Variants in SFMBT1 observed in about 807,000 individuals in gnomAD.
The protein encoded by SFMBT1 is scm-like with four MBT domains protein 1.
A neutral mutation model predicts 108.7 loss-of-function variants in SFMBT1; 32 were observed. The observed-to-expected ratio is 0.29, with a 90% CI of 0.22 to 0.40. The LOEUF is 0.40. Ranked by LOEUF, SFMBT1 falls within the 10% of genes least tolerant of loss-of-function variation. The probability of loss-of-function intolerance (pLI) is 1.00; values close to 1 mark genes in which losing one functional copy is unlikely to be tolerated. For synonymous variants in SFMBT1, 348 were observed against 369.5 expected (o/e 0.94, Z 0.67); for missense variants, 816 against 1,059.6 (o/e 0.77, Z 3.19).
chr3:52,961,749 C>G (rs1210045994), intron 2 of SFMBT1, among the ~76,000 whole-genome samples: 1 of 152,150 alleles, frequency 6.6e-6, no homozygotes, highest in African/African-American at 2.4e-5. Context: ...ATAATAAAGA[C>G]AGCTTTGAGG....
intron 3 of SFMBT1, among the ~76,000 whole-genome samples, chr3:52,949,421 T>C (rs929005275): frequency 2.6e-5 from 4 of 152,170 alleles, no homozygotes; most frequent in African/African-American, 9.7e-5. Context: ...ATTTCCCGAC[T>C]AATAATATTG....
At chr3:53,001,837 G>A (rs1039191496) in intron 1 of SFMBT1, among the ~76,000 whole-genome samples, 4 of 146,418 alleles carry the variant, frequency 2.7e-5, no homozygotes, top group Non-Finnish European at 4.6e-5. Flanking sequence ...GAGGCTGGAG[G>A]ATATGTAGGC....
intron 3 of SFMBT1, among the ~76,000 whole-genome samples, chr3:52,953,569 G>A (rs551433996): frequency 6.6e-6 from 1 of 152,190 alleles, no homozygotes; most frequent in African/African-American, 2.4e-5. Flanking sequence ...GGGTTGTTAG[G>A]GCATAAAACC....
chr3:52,967,125 C>T lies in SFMBT1; in HGVS notation c.28+1976G>A, dbSNP rs115243135. Reference sequence around the variant, plus strand: ...AGCCAGTCTGAAAGAAATCTCACTGCTCTAGAGAAACAAACAAACAAAAGC... The same window carrying T: ...AGCCAGTCTGAAAGAAATCTCACTGTTCTAGAGAAACAAACAAACAAAAGC... On this transcript the variant is annotated intron_variant, in intron 2 of 20. Transcript: ENST00000394752. Among the ~76,000 whole-genome samples the T allele has an allele frequency of 3.8e-3, 578 of 152,070 alleles. 1 individual carries two copies. The highest frequency in any genetic ancestry group is 6.2e-3 in the Non-Finnish European group (423 of 67,982).
At chr3:52,943,324 T>G (rs776754945) in intron 4 of SFMBT1, 29 bp downstream of exon 4, 9 of 1,613,708 alleles carry the variant, frequency 5.6e-6, no homozygotes, top group Non-Finnish European at 7.6e-6. Flanking sequence ...TAAAATCACG[T>G]CACGTCTTGA....
At chr3:53,033,687 A>C (rs1288382867) in intron 1 of SFMBT1, among the ~76,000 whole-genome samples, 1 of 151,796 alleles carries the variant, frequency 6.6e-6, no homozygotes, top group Non-Finnish European at 1.5e-5. Flanking sequence ...CTCACCCTCT[A>C]AACTCTTCAG....
chr3:52,965,656 C>T (rs1704107350), intron 2 of SFMBT1, among the ~76,000 whole-genome samples: 1 of 151,718 alleles, frequency 6.6e-6, no homozygotes, highest in Non-Finnish European at 1.5e-5. Context: ...GGGAAATCAA[C>T]ATATTCTCAA....
At position 52,968,989 on chromosome 3, in the gene SFMBT1, C is replaced by A. The variant is rs1278673363; in HGVS notation, c.28+112G>T. On this transcript the variant is annotated intron_variant, in intron 2 of 20. Coordinates refer to ENST00000394752, the MANE Select transcript of SFMBT1 (RefSeq NM_016329.4). ...TACAGAAGATGGCAATGAAAAACAACTTAAGACTTCAAAGAGCTTCCAGTT... is the reference window on the plus strand; with the variant it reads ...TACAGAAGATGGCAATGAAAAACAAATTAAGACTTCAAAGAGCTTCCAGTT... The A allele has an allele frequency of 8.4e-6, 11 of 1,304,214 alleles. No homozygotes were observed. In the African/African-American group the frequency reaches 1.6e-4, roughly 19 times the overall value. The allele number at this position is 1,304,214 out of a possible 1,614,324, so 80.8% of individuals were successfully genotyped here. A position where few individuals can be genotyped will look rare whatever the true frequency, so the allele number is the denominator to read the frequency against.
chr3:52,999,184 G>A lies in SFMBT1; in HGVS notation c.-130-29926C>T, dbSNP rs1235304089. On this transcript the variant is annotated intron_variant, in intron 1 of 20. Transcript: ENST00000394752. ...GCGGCCTGTTCTGGTGCAAGGGCCA[G>A]CCGGGCAGCCCAAGGACCTCACGAC... 1.3e-5 allele frequency among the ~76,000 whole-genome samples: 2 copies of A among 150,924 alleles called. 1 individual carries two copies. Among genetic ancestry groups the A allele is most frequent in the Non-Finnish European group, 3.0e-5 (2 of 67,294 alleles).
intron 4 of SFMBT1, among the ~76,000 whole-genome samples, chr3:52,939,559 G>C (rs1040535083): frequency 2.3e-4 from 35 of 152,136 alleles, no homozygotes; most frequent in African/African-American, 6.8e-4. Context: ...GGGTGACAAA[G>C]AGTGACACTC....
At chr3:52,996,418 T>C (rs1698334164) in intron 1 of SFMBT1, among the ~76,000 whole-genome samples, 1 of 149,182 alleles carries the variant, frequency 6.7e-6, no homozygotes, top group Non-Finnish European at 1.5e-5. Flanking sequence ...TTTCACCTAT[T>C]ACCCAGGCTG....
intron 2 of SFMBT1, among the ~76,000 whole-genome samples, chr3:52,965,862 C>A (rs1575407385): frequency 6.7e-6 from 1 of 149,658 alleles, no homozygotes; most frequent in East Asian, 2.0e-4. Context: ...AAAAATTAGC[C>A]GGGCGTGGTA....
chr3:53,019,830 C>T (rs1253843661), intron 1 of SFMBT1, among the ~76,000 whole-genome samples: 1 of 152,172 alleles, frequency 6.6e-6, no homozygotes, highest in Non-Finnish European at 1.5e-5. Context: ...TAAAACCTTT[C>T]AGTAACTGAC....
In SFMBT1 at chr3:53,011,230, G is replaced by A. The variant is rs566040078; in HGVS notation, c.-131+34586C>T. On this transcript the variant is annotated intron_variant, in intron 1 of 20. Transcript: ENST00000394752. ...TCAAGGACAGACAGAATCTTGGAAA[G>A]GTAGAGGAAAGGGTGGAAGGCATTC... 2.6e-5 allele frequency among the ~76,000 whole-genome samples: 4 copies of A among 152,280 alleles called. No homozygotes were observed. In the South Asian group the frequency reaches 8.3e-4, roughly 32 times the overall value.
intron 4 of SFMBT1, among the ~76,000 whole-genome samples, chr3:52,937,222 A>G (rs1455722681): frequency 6.6e-6 from 1 of 152,096 alleles, no homozygotes; most frequent in East Asian, 1.9e-4. Flanking sequence ...TACCACCAAC[A>G]GTAGGATTAC....
At chr3:52,907,442 C>A in intron 18 of SFMBT1, 113 bp downstream of exon 18, 1 of 1,515,458 alleles carries the variant, frequency 6.6e-7, no homozygotes, top group Non-Finnish European at 8.8e-7. Context: ...ACAAAACCAT[C>A]TTCTATTGGC....
intron 3 of SFMBT1, among the ~76,000 whole-genome samples, chr3:52,947,780 G>A (rs960339630): frequency 6.6e-6 from 1 of 151,376 alleles, no homozygotes; most frequent in Admixed American, 6.6e-5. Flanking sequence ...TGTCGCCCAG[G>A]CTGGAGTGCA....
chr3:52,928,657 C>CACAT (rs1553635195), intron 8 of SFMBT1, among the ~76,000 whole-genome samples: 1 of 36,520 alleles, frequency 2.7e-5, no homozygotes, highest in Non-Finnish European at 6.7e-5. Flanking sequence ...TATATATACA[C>CACAT]ATATATACAT....
At chr3:52,971,462 T>C (rs1704340697) in intron 1 of SFMBT1, among the ~76,000 whole-genome samples, 1 of 152,164 alleles carries the variant, frequency 6.6e-6, no homozygotes, top group African/African-American at 2.4e-5. Flanking sequence ...GGCTTCTAAA[T>C]GTGCTCTCTT....
Sources: gnomAD v4.1 joint callset for allele counts (sites outside exome capture counted in the v4.1 genomes callset) on GRCh38, gnomAD v4.1.1 for gene constraint, MANE v1.5 for transcripts, NCBI Gene and HGNC (gene_info 2026-07-23, HGNC 2026-07-21) for gene names.